Variants in AGBL4 observed in about 807,000 individuals in gnomAD.
AGBL4 encodes cytosolic carboxypeptidase 6.
In AGBL4, 58 loss-of-function variants were observed where a neutral mutation model predicts 66.4. That is an observed-to-expected ratio of 0.87 (90% CI 0.71 to 1.09). AGBL4 has a LOEUF of 1.09. AGBL4 is among the 50% of genes least tolerant of loss of function. The pLI, the probability that AGBL4 is intolerant of heterozygous loss-of-function variation, is 0.00. For synonymous variants in AGBL4, 234 were observed against 222.9 expected, an observed-to-expected ratio of 1.05 and a Z score of -0.44; for missense variants, 579 against 631.0, an observed-to-expected ratio of 0.92 and a Z score of 0.88.
chr1:49,462,798 T>C (rs1646543363), intron 3 of AGBL4, among the ~76,000 whole-genome samples: 1 of 151,678 alleles, frequency 6.6e-6, no homozygotes, highest in Admixed American at 6.6e-5. Context: ...TGATAGTCTG[T>C]TGGAGAATTT....
intron 6 of AGBL4, among the ~76,000 whole-genome samples, chr1:48,756,358 T>A (rs953226093): frequency 1.3e-5 from 2 of 152,228 alleles, no homozygotes; most frequent in African/African-American, 4.8e-5. Context: ...TTTGTCCCTA[T>A]GATGGCATTT....
Position 49,284,632 on chromosome 1 carries a change from C to G in AGBL4, c.283-38768G>C, listed in dbSNP as rs184072923. 1.8e-4 allele frequency among the ~76,000 whole-genome samples: 27 copies of G among 152,314 alleles called. No homozygotes were observed. The East Asian group carries it at 5.2e-3, about 29-fold the overall frequency. On this transcript the variant is annotated intron_variant, in intron 3 of 13. Coordinates refer to ENST00000371839, the MANE Select transcript of AGBL4 (RefSeq NM_032785.4). Reference sequence around the variant, plus strand: ...TGTGCTGTATTCTGGAAACCCATCTCACGTGCAGAGACACACATAGGGTCA... The same window carrying G: ...TGTGCTGTATTCTGGAAACCCATCTGACGTGCAGAGACACACATAGGGTCA...
intron 6 of AGBL4, among the ~76,000 whole-genome samples, chr1:48,834,433 A>G (rs1425758861): frequency 6.6e-6 from 1 of 152,132 alleles, no homozygotes; most frequent in African/African-American, 2.4e-5. Context: ...CCTAAAATTC[A>G]TATTTTGAAG....
chr1:48,546,864 A>AACAAACAC (rs767539394), intron 11 of AGBL4, among the ~76,000 whole-genome samples: 31 of 128,382 alleles, frequency 2.4e-4, no homozygotes, highest in Non-Finnish European at 4.4e-4. Context: ...AAAACAAACA[A>AACAAACAC]ACACACACAC....
intron 3 of AGBL4, among the ~76,000 whole-genome samples, chr1:49,462,511 A>C (rs1646537169): frequency 1.3e-5 from 2 of 151,670 alleles, no homozygotes; most frequent in Admixed American, 1.3e-4. Context: ...AGCTTAAATA[A>C]TTTGGGCTAT....
intron 1 of AGBL4, among the ~76,000 whole-genome samples, chr1:49,880,477 G>T (rs1478956979): frequency 6.6e-6 from 1 of 152,098 alleles, no homozygotes; most frequent in Non-Finnish European, 1.5e-5. Flanking sequence ...CTGCTTGGGG[G>T]TCGGGGTCAG....
intron 2 of AGBL4, among the ~76,000 whole-genome samples, chr1:49,839,244 A>G (rs1645928749): frequency 6.6e-6 from 1 of 152,182 alleles, no homozygotes; most frequent in South Asian, 2.1e-4. Context: ...ACAAATTAAA[A>G]CTATATTATA....
chr1:49,454,228 T>A (rs1646341632), intron 3 of AGBL4, among the ~76,000 whole-genome samples: 1 of 151,784 alleles, frequency 6.6e-6, no homozygotes, highest in Non-Finnish European at 1.5e-5. Context: ...AGCATTGAGA[T>A]GGCAAACAGA....
At chr1:48,654,258 A>AC (rs574276875) in intron 7 of AGBL4, among the ~76,000 whole-genome samples, 150 of 152,084 alleles carry the variant, frequency 9.9e-4, no homozygotes, top group Middle Eastern at 6.8e-3. Context: ...AACAGCCACC[A>AC]CCTATGAAAT....
intron 2 of AGBL4, among the ~76,000 whole-genome samples, chr1:49,793,161 A>G (rs1644644541): frequency 6.6e-6 from 1 of 152,034 alleles, no homozygotes; most frequent in Admixed American, 6.6e-5. Flanking sequence ...AAAATATCAG[A>G]TCTATGAGAA....
chr1:49,935,270 A>T (rs545943356), intron 1 of AGBL4, among the ~76,000 whole-genome samples: 21 of 152,222 alleles, frequency 1.4e-4, no homozygotes, highest in Non-Finnish European at 2.9e-4. Context: ...AGGCGGCAGC[A>T]AGGCTGGGGG....
Position 49,541,815 on chromosome 1 carries a change from C to G in AGBL4, c.282+155498G>C, listed in dbSNP as rs149013159. 2.4e-3 allele frequency among the ~76,000 whole-genome samples: 364 copies of G among 152,338 alleles called. 11 individuals carry two copies. The East Asian group carries it at 0.056, about 23-fold the overall frequency. Reference sequence around the variant, plus strand: ...TTGGGGACTTGGAGAACCTTTATGTCTAGCTAAGCGATTGTAAATACACCA... The same window carrying G: ...TTGGGGACTTGGAGAACCTTTATGTGTAGCTAAGCGATTGTAAATACACCA... On this transcript the variant is annotated intron_variant, in intron 3 of 13. Transcript: ENST00000371839.
Position 49,790,091 on chromosome 1 carries a change from A to C in AGBL4, c.157+61305T>G, listed in dbSNP as rs562734722. Reference sequence around the variant, plus strand: ...AAAAGCAATGGGGAAAGGATTCCCTATTTAAGGCCAGGCACGGTGGCTCAC... The same window carrying C: ...AAAAGCAATGGGGAAAGGATTCCCTCTTTAAGGCCAGGCACGGTGGCTCAC... On this transcript the variant is annotated intron_variant, in intron 2 of 13. Transcript: ENST00000371839. Among the ~76,000 whole-genome samples the C allele has an allele frequency of 2.1e-4, 32 of 152,248 alleles. 1 individual carries two copies. In the East Asian group the frequency reaches 6.0e-3, roughly 28 times the overall value.
rs1367467216 is a variant in AGBL4, at chr1:49,007,528, G to A, written c.594+38056C>T. On this transcript the variant is annotated intron_variant, in intron 5 of 13. Coordinates refer to ENST00000371839, the MANE Select transcript of AGBL4 (RefSeq NM_032785.4). ...TTCAGATTCAGGAAATACAGAGAACGCCACAAAGATACTCCTCGAGAAGAG... is the reference window on the plus strand; with the variant it reads ...TTCAGATTCAGGAAATACAGAGAACACCACAAAGATACTCCTCGAGAAGAG... Among the ~76,000 whole-genome samples the A allele has an allele frequency of 8.2e-3, 1,218 of 148,436 alleles. 11 individuals carry two copies. Among genetic ancestry groups the A allele is most frequent in the African/African-American group, 0.023 (936 of 40,442 alleles).
intron 2 of AGBL4, among the ~76,000 whole-genome samples, chr1:49,744,367 G>A (rs1650817562): frequency 6.6e-6 from 1 of 151,990 alleles, no homozygotes; most frequent in Non-Finnish European, 1.5e-5. Context: ...TGCCATGATT[G>A]GAAACTTTCT....
intron 3 of AGBL4, among the ~76,000 whole-genome samples, chr1:49,474,973 G>A (rs777988529): frequency 2.6e-5 from 4 of 151,950 alleles, no homozygotes; most frequent in Admixed American, 6.6e-5. Flanking sequence ...CCAGCAGTAC[G>A]TTGAATAGTA....
At chr1:48,966,686 A>T (rs1658447763) in intron 5 of AGBL4, among the ~76,000 whole-genome samples, 1 of 152,148 alleles carries the variant, frequency 6.6e-6, no homozygotes, top group African/African-American at 2.4e-5. Flanking sequence ...TTATAATGGC[A>T]TTAATAAGTG....
chr1:48,715,336 C>T (rs1256375547), intron 6 of AGBL4, among the ~76,000 whole-genome samples: 2 of 152,218 alleles, frequency 1.3e-5, no homozygotes, highest in African/African-American at 4.8e-5. Context: ...TCCCACATGG[C>T]TTCAATCCAG....
intron 3 of AGBL4, among the ~76,000 whole-genome samples, chr1:49,602,257 T>C (rs1011461373): frequency 3.3e-5 from 5 of 152,152 alleles, no homozygotes; most frequent in African/African-American, 1.2e-4. Context: ...GAGTGTCAAT[T>C]AGTTCAACCA....
Sources: gnomAD v4.1 joint callset for allele counts (sites outside exome capture counted in the v4.1 genomes callset) on GRCh38, gnomAD v4.1.1 for gene constraint, MANE v1.5 for transcripts, NCBI Gene and HGNC (gene_info 2026-07-23, HGNC 2026-07-21) for gene names.